The following KLF6 variants were observed in gnomAD, a reference collection of about 807,000 sequenced individuals.
KLF6 encodes Krueppel-like factor 6.
For synonymous variants in KLF6, 152 were observed against 147.9 expected, an observed-to-expected ratio of 1.03 and a Z score of -0.20; for missense variants, 233 against 359.8, an observed-to-expected ratio of 0.65 and a Z score of 2.85.
chr10:3,779,471 T>C lies in KLF6; in HGVS notation c.*68A>G. 7.5e-7 allele frequency: 1 copy of C among 1,340,208 alleles called. No homozygotes were observed. The allele number at this position is 1,340,208 out of a possible 1,614,324, so 83.0% of individuals were successfully genotyped here. On this transcript the variant is annotated 3_prime_UTR_variant, in exon 4 of 4. Coordinates refer to ENST00000497571, the MANE Select transcript of KLF6 (RefSeq NM_001300.6). The stretch of plus-strand genomic sequence containing the variant: ...CGGCATGCTTTGGCTGGAACACGCA[T>C]CCCTCCTTCCACGGCCGGCTCTCAG...
chr10:3,776,057 G>C lies in KLF6; in HGVS notation c.*3482C>G, dbSNP rs931609129. On this transcript the variant is annotated 3_prime_UTR_variant, in exon 4 of 4. Transcript: ENST00000497571. ...GACTGAGAGTGGGCTGAGGTTGTGA[G>C]AACAGCCCTCTGGCCTGGAGTCCCT... is the stretch of plus-strand genomic sequence containing the variant. 31 of 519,484 alleles carry C rather than the reference G, an allele frequency of 6.0e-5. No homozygotes were observed. In the East Asian group the frequency reaches 1.2e-3, roughly 20 times the overall value. The allele number at this position is 519,484 out of a possible 1,614,324, so 32.2% of individuals were successfully genotyped here.
chr10:3,777,328 G>T lies in KLF6; in HGVS notation c.*2211C>A, dbSNP rs1008346673. ...GGGGAAATTACTCCTTGGAAAAACT[G>T]GAAGAATCTACTTGCTGGAAAAAAT... On this transcript the variant is annotated 3_prime_UTR_variant, in exon 4 of 4. Coordinates refer to ENST00000497571, the MANE Select transcript of KLF6 (RefSeq NM_001300.6). The T allele has an allele frequency of 5.8e-6, 3 of 513,072 alleles. No homozygotes were observed. Among genetic ancestry groups the T allele is most frequent in the Non-Finnish European group, 1.1e-5 (3 of 262,618 alleles). The allele number at this position is 513,072 out of a possible 1,614,324, so 31.8% of individuals were successfully genotyped here. A position where few individuals can be genotyped will look rare whatever the true frequency, so the allele number is the denominator to read the frequency against.
At position 3,781,367 on chromosome 10, in the gene KLF6, GGTGGAGGTTTGGGTGTCC is replaced by G; in HGVS notation, c.676+256_676+273del. On this transcript the variant is annotated intron_variant, in intron 2 of 3. Transcript: ENST00000497571. The surrounding 1 kb of genome is among the most constrained non-coding windows in gnomAD (Gnocchi z 5.8). ...TCCCCAGCACTACTAAGGGGTGGGG[GGTGGAGGTTTGGGTGTCC>G]GTGGAGAAAAGGATCTAGTCTCTTG... The G allele has an allele frequency of 4.9e-6, 7 of 1,420,866 alleles. No homozygotes were observed. The highest frequency in any genetic ancestry group is 6.5e-6 in the Non-Finnish European group (7 of 1,074,482). 88.0% of individuals were successfully genotyped at this position (1,420,866 alleles called of 1,614,324 possible). A position where few individuals can be genotyped will look rare whatever the true frequency, so the allele number is the denominator to read the frequency against.
chr10:3,778,777 T>A lies in KLF6; in HGVS notation c.*762A>T, dbSNP rs1438532194. 1.9e-6 allele frequency: 1 copy of A among 531,418 alleles called. No individual in the cohort carries two copies. Among genetic ancestry groups the A allele is most frequent in the African/African-American group, 1.9e-5 (1 of 53,712 alleles). The allele number at this position is 531,418 out of a possible 1,614,324, so 32.9% of individuals were successfully genotyped here. A position where few individuals can be genotyped will look rare whatever the true frequency, so the allele number is the denominator to read the frequency against. On this transcript the variant is annotated 3_prime_UTR_variant, in exon 4 of 4. Transcript: ENST00000497571. ...TCCCCAGACCATGCATGACTTTTTG[T>A]ATTCTAAGGAAAAGTTAAATTGTTG...
Position 3,778,441 on chromosome 10 carries a change from A to C in KLF6, c.*1098T>G, listed in dbSNP as rs1021345130. 1 of 525,924 alleles carries C rather than the reference A, an allele frequency of 1.9e-6. No individual in the cohort carries two copies. Among genetic ancestry groups the C allele is most frequent in the East Asian group, 4.1e-5 (1 of 24,658 alleles). 32.6% of individuals were successfully genotyped at this position (525,924 alleles called of 1,614,324 possible). A position where few individuals can be genotyped will look rare whatever the true frequency, so the allele number is the denominator to read the frequency against. ...AACTGAGAAAAATTTTAGGTTCTTA[A>C]GTCTAATGAAACATTAGACCAGCAA... On this transcript the variant is annotated 3_prime_UTR_variant, in exon 4 of 4. Coordinates refer to ENST00000497571, the MANE Select transcript of KLF6 (RefSeq NM_001300.6).
Position 3,777,455 on chromosome 10 carries a change from A to G in KLF6, c.*2084T>C. ...GGCTGAAATTCAAAATCAAAACCTT[A>G]GTGTGTCCGAGTCCAGCCTGGGTTC... On this transcript the variant is annotated 3_prime_UTR_variant, in exon 4 of 4. Transcript: ENST00000497571. The G allele has an allele frequency of 2.0e-6, 1 of 510,800 alleles. No individual in the cohort carries two copies. The highest frequency in any genetic ancestry group is 1.5e-5 in the South Asian group (1 of 64,974). The allele number at this position is 510,800 out of a possible 1,614,324, so 31.6% of individuals were successfully genotyped here.
Position 3,779,182 on chromosome 10 carries a change from C to T in KLF6, c.*357G>A. 3.6e-6 allele frequency: 2 copies of T among 553,324 alleles called. No individual in the cohort carries two copies. The highest frequency in any genetic ancestry group is 6.9e-6 in the Non-Finnish European group (2 of 289,378). 34.3% of individuals were successfully genotyped at this position (553,324 alleles called of 1,614,324 possible). On this transcript the variant is annotated 3_prime_UTR_variant, in exon 4 of 4. Transcript: ENST00000497571. ...TTTTTTTCCATCTCTTGCAGTCTTG[C>T]TAACCACAAGGAAAAAAAGTTGGCC...
rs904287436 is a variant in KLF6 at position 3,778,853 on chromosome 10, G to C, written c.*686C>G. ...ATACAATGGGTTACAAATGAGCTAT[G>C]TTGTAGCGTGTAAAACAAGCTACTT... On this transcript the variant is annotated 3_prime_UTR_variant, in exon 4 of 4. Coordinates refer to ENST00000497571, the MANE Select transcript of KLF6 (RefSeq NM_001300.6). 15 of 533,558 alleles carry C rather than the reference G, an allele frequency of 2.8e-5. No homozygotes were observed. Among genetic ancestry groups the C allele is most frequent in the Non-Finnish European group, 5.1e-5 (14 of 275,966 alleles). The allele number at this position is 533,558 out of a possible 1,614,324, so 33.1% of individuals were successfully genotyped here.
In KLF6 at chr10:3,781,183, G is replaced by T. The variant is rs1269764700; in HGVS notation, c.676+458C>A. The T allele has an allele frequency of 5.6e-6, 2 of 359,450 alleles. No homozygotes were observed. Among genetic ancestry groups the T allele is most frequent in the African/African-American group, 4.2e-5 (2 of 47,998 alleles). 22.3% of individuals were successfully genotyped at this position (359,450 alleles called of 1,614,324 possible). ...ATCAATGCTGCTGCTTACAGAGCAGGCCGGTCCCACTCGGGCCTCGGGCCG... is the reference window on the plus strand; with the variant it reads ...ATCAATGCTGCTGCTTACAGAGCAGTCCGGTCCCACTCGGGCCTCGGGCCG... On this transcript the variant is annotated intron_variant, in intron 2 of 3. Coordinates refer to ENST00000497571, the MANE Select transcript of KLF6 (RefSeq NM_001300.6). This position sits in a 1 kb window ranked among gnomAD's most constrained non-coding sequence, Gnocchi z 5.8.
At position 3,785,087 on chromosome 10, in the gene KLF6, C is replaced by A; in HGVS notation, c.-73G>T. 6.2e-7 allele frequency: 1 copy of A among 1,601,046 alleles called. No individual in the cohort carries two copies. Among genetic ancestry groups the A allele is most frequent in the Non-Finnish European group, 8.5e-7 (1 of 1,174,656 alleles). ...CGCGGTGGGAGCCGGAGCCGAAAGT[C>A]TCCCCGGAGCGCAGGTGAAAGTTTC... On this transcript the variant is annotated 5_prime_UTR_variant, in exon 1 of 4. Coordinates refer to ENST00000497571, the MANE Select transcript of KLF6 (RefSeq NM_001300.6).
chr10:3,783,718 TA>T (rs1230730433), intron 1 of KLF6, among the ~76,000 whole-genome samples: 1 of 152,224 alleles, frequency 6.6e-6, no homozygotes, highest in African/African-American at 2.4e-5. Flanking sequence ...GAGATCTTGT[TA>T]AACTTTAATA....
At position 3,777,784 on chromosome 10, in the gene KLF6, A is replaced by G. The variant is rs1327755044; in HGVS notation, c.*1755T>C. Reference sequence around the variant, plus strand: ...AATATATATATATACACACATACACATACTGTACACACAAATATACATACA... The same window carrying G: ...AATATATATATATACACACATACACGTACTGTACACACAAATATACATACA... On this transcript the variant is annotated 3_prime_UTR_variant, in exon 4 of 4. Transcript: ENST00000497571. The G allele has an allele frequency of 2.2e-6, 1 of 456,470 alleles. No homozygotes were observed. The highest frequency in any genetic ancestry group is 2.0e-5 in the African/African-American group (1 of 48,958). The allele number at this position is 456,470 out of a possible 1,614,324, so 28.3% of individuals were successfully genotyped here.
In KLF6 at chr10:3,781,473, A is replaced by T. The variant is rs1473453026; in HGVS notation, c.676+168T>A. On this transcript the variant is annotated intron_variant, in intron 2 of 3. Transcript: ENST00000497571. The surrounding 1 kb of genome is among the most constrained non-coding windows in gnomAD (Gnocchi z 5.8). ...TCAAAAGTCCAGTCTTTAGGATTCT[A>T]CTCTGAACTCCAAAAAGACCTAATG... The T allele has an allele frequency of 6.5e-7, 1 of 1,549,570 alleles. No individual in the cohort carries two copies. The highest frequency in any genetic ancestry group is 8.7e-7 in the Non-Finnish European group (1 of 1,146,612).
chr10:3,784,900 C>A lies in KLF6; in HGVS notation c.102+13G>T. Reference sequence around the variant, plus strand: ...CCCGGCGCCCGCAGGGAACCGCGGCCGGCTGCGTTTACCTGTTGCCAGTAC... The same window carrying A: ...CCCGGCGCCCGCAGGGAACCGCGGCAGGCTGCGTTTACCTGTTGCCAGTAC... On this transcript the variant is annotated intron_variant, in intron 1 of 3. Transcript: ENST00000497571. 1 of 1,594,136 alleles carries A rather than the reference C, an allele frequency of 6.3e-7. No homozygotes were observed. The highest frequency in any genetic ancestry group is 1.1e-5 in the South Asian group (1 of 89,330).
Position 3,785,068 on chromosome 10 carries a change from G to T in KLF6, c.-54C>A. On this transcript the variant is annotated 5_prime_UTR_variant, in exon 1 of 4. Transcript: ENST00000497571. ...TCGCGAGGGCGGCGAGGCGCGCGGT[G>T]GGAGCCGGAGCCGAAAGTCTCCCCG... is the stretch of plus-strand genomic sequence containing the variant. 3 of 1,606,574 alleles carry T rather than the reference G, an allele frequency of 1.9e-6. No homozygotes were observed. Among genetic ancestry groups the T allele is most frequent in the Admixed American group, 1.7e-5 (1 of 59,286 alleles).
Position 3,780,947 on chromosome 10 carries a change from TGATAA to T in KLF6, c.676+689_676+693del. The T allele has an allele frequency of 7.0e-6, 1 of 143,710 alleles. No individual in the cohort carries two copies. Among genetic ancestry groups the T allele is most frequent in the Non-Finnish European group, 1.6e-5 (1 of 62,866 alleles). The allele number at this position is 143,710 out of a possible 1,614,324, so 8.9% of individuals were successfully genotyped here. ...GACTCTCAGCAATTTGCTCTCCTAC[TGATAA>T]GAGAAGAGCCTGCATCACGTGATCA... On this transcript the variant is annotated intron_variant, in intron 2 of 3. Coordinates refer to ENST00000497571, the MANE Select transcript of KLF6 (RefSeq NM_001300.6). This position sits in a 1 kb window ranked among gnomAD's most constrained non-coding sequence, Gnocchi z 4.6.
At position 3,782,218 on chromosome 10, in the gene KLF6, T is replaced by G; in HGVS notation, c.103-4A>C. ...AACGTTCCAGCTCTAGGCAGGTCTGTGCAAAATGAACCAGAGAAGGCACGT... is the reference window on the plus strand; with the variant it reads ...AACGTTCCAGCTCTAGGCAGGTCTGGGCAAAATGAACCAGAGAAGGCACGT... On this transcript the variant is annotated splice_polypyrimidine_tract_variant and splice_region_variant and intron_variant, in intron 1 of 3. Transcript: ENST00000497571. The surrounding 1 kb of genome is among the most constrained non-coding windows in gnomAD (Gnocchi z 4.3). The G allele has an allele frequency of 1.9e-6, 3 of 1,602,946 alleles. No homozygotes were observed. The highest frequency in any genetic ancestry group is 2.5e-6 in the Non-Finnish European group (3 of 1,179,548).
chr10:3,783,100 G>T (rs958835658), intron 1 of KLF6: 1 of 152,104 alleles, frequency 6.6e-6, no homozygotes, highest in African/African-American at 2.4e-5. Flanking sequence ...TTTCTTTCAC[G>T]CAATGCCAAA....
At position 3,780,337 on chromosome 10, in the gene KLF6, T is replaced by G; in HGVS notation, c.677-108A>C. ...GTGGGATGCAAGGCCAGGGACCCAG[T>G]GGCTTCTGGCATCGGTAACACACAA... On this transcript the variant is annotated intron_variant, in intron 2 of 3. Transcript: ENST00000497571. This position sits in a 1 kb window ranked among gnomAD's most constrained non-coding sequence, Gnocchi z 4.6. 2.2e-6 allele frequency: 3 copies of G among 1,355,230 alleles called. No homozygotes were observed. Among genetic ancestry groups the G allele is most frequent in the South Asian group, 2.3e-5 (2 of 85,692 alleles). 84.0% of individuals were successfully genotyped at this position (1,355,230 alleles called of 1,614,324 possible). A position where few individuals can be genotyped will look rare whatever the true frequency, so the allele number is the denominator to read the frequency against.
Sources: allele counts gnomAD v4.1 joint callset (sites outside exome capture counted in the v4.1 genomes callset), GRCh38; gene constraint gnomAD v4.1.1; non-coding constraint Gnocchi (gnomAD v3.1); transcripts MANE v1.5; gene names NCBI Gene and HGNC (gene_info 2026-07-23, HGNC 2026-07-21).